PPME1: variants seen among roughly 807,000 people sequenced by gnomAD.
PPME1 encodes the protein testicular secretory protein Li 39.
Under a neutral mutation model 56.9 loss-of-function variants are expected in PPME1, and 17 were observed. The ratio of observed to expected loss-of-function variants is 0.30; its 90% confidence interval spans 0.20 to 0.45. PPME1 has a LOEUF of 0.45. Ranked by LOEUF, PPME1 falls within the 20% of genes least tolerant of loss-of-function variation. The probability of loss-of-function intolerance (pLI) is 1.00; values close to 1 mark genes in which losing one functional copy is unlikely to be tolerated. For missense variants in PPME1, 357 were observed against 483.2 expected (o/e 0.74, Z 2.45); for synonymous variants, 122 against 156.2 (o/e 0.78, Z 1.63).
chr11:74,246,054 G>T (rs1327063926), intron 9 of PPME1, 22 bp from the exon 10 acceptor site: 1 of 1,572,554 alleles, frequency 6.4e-7, no homozygotes, highest in South Asian at 1.2e-5. Context: ...CGGAGACTCA[G>T]AACTTGCTCT....
At chr11:74,213,697 C>T (rs1022461609) in intron 3 of PPME1, among the ~76,000 whole-genome samples, 17 of 152,206 alleles carry the variant, frequency 1.1e-4, no homozygotes, top group African/African-American at 4.1e-4. Context: ...TCTGGTAATC[C>T]AGAGAATTCT....
At chr11:74,190,604 G>C (rs1004447119) in intron 1 of PPME1, among the ~76,000 whole-genome samples, 2 of 152,170 alleles carry the variant, frequency 1.3e-5, no homozygotes, top group African/African-American at 4.8e-5. Context: ...GTGCAAGAAT[G>C]GACAACACAG....
In PPME1 at chr11:74,251,597, A is replaced by G. The variant is rs1859664780; in HGVS notation, c.1075-51A>G. The G allele has an allele frequency of 8.1e-6, 13 of 1,598,774 alleles. No homozygotes were observed. The East Asian group carries it at 2.7e-4, about 33-fold the overall frequency. On this transcript the variant is annotated intron_variant, in intron 12 of 13. Coordinates refer to ENST00000328257, the MANE Select transcript of PPME1 (RefSeq NM_016147.3). ...TAACAGTAGCTCACAGCCCAAGGCT[A>G]AGCCCCATCACTAACCTTTATATGG...
intron 4 of PPME1, chr11:74,222,874 A>G (rs1189455970): frequency 6.6e-6 from 1 of 151,864 alleles, no homozygotes; most frequent in Non-Finnish European, 1.5e-5. Context: ...TATGTATAAT[A>G]TTTATTTTTG....
At chr11:74,250,789 T>C (rs1471026539) in intron 11 of PPME1, 165 bp from the exon 12 acceptor site, 3 of 605,482 alleles carry the variant, frequency 5.0e-6, no homozygotes, top group Non-Finnish European at 8.9e-6. Flanking sequence ...AAGGTTACAA[T>C]TACTTGTATT....
chr11:74,185,461 G>A (rs773603685), intron 1 of PPME1, among the ~76,000 whole-genome samples: 1 of 152,128 alleles, frequency 6.6e-6, no homozygotes, highest in Non-Finnish European at 1.5e-5. Flanking sequence ...TGGCAGAATA[G>A]TAGCTTACAT....
In PPME1 at chr11:74,171,582, C is replaced by T. The variant is rs1213117273; in HGVS notation, c.101+60C>T. ...GGCCCCAGCCGTTGGAGAATGGTATCTCTGGGCGTTCATAGAGGCACGGGA... is the reference window on the plus strand; with the variant it reads ...GGCCCCAGCCGTTGGAGAATGGTATTTCTGGGCGTTCATAGAGGCACGGGA... On this transcript the variant is annotated intron_variant, in intron 1 of 13. Transcript: ENST00000328257. 4.6e-6 allele frequency: 7 copies of T among 1,523,156 alleles called. No individual in the cohort carries two copies. In the East Asian group the frequency reaches 1.7e-4, roughly 36 times the overall value. 94.4% of individuals were successfully genotyped at this position (1,523,156 alleles called of 1,614,324 possible). A position where few individuals can be genotyped will look rare whatever the true frequency, so the allele number is the denominator to read the frequency against.
chr11:74,197,041 T>G (rs1190232579), intron 1 of PPME1, among the ~76,000 whole-genome samples: 1 of 152,194 alleles, frequency 6.6e-6, no homozygotes, highest in Non-Finnish European at 1.5e-5. Flanking sequence ...CTGGTTCAAA[T>G]GCCTCTGACA....
chr11:74,172,892 T>C (rs901966561), intron 1 of PPME1, among the ~76,000 whole-genome samples: 3 of 151,966 alleles, frequency 2.0e-5, no homozygotes, highest in Non-Finnish European at 4.4e-5. Flanking sequence ...TAAAAACTTA[T>C]CAAAAAGGAG....
intron 3 of PPME1, among the ~76,000 whole-genome samples, chr11:74,216,118 C>T (rs530265683): frequency 9.2e-5 from 14 of 152,198 alleles, no homozygotes; most frequent in East Asian, 5.8e-4. Flanking sequence ...GAAAAATTTA[C>T]GTAATCTGCA....
At chr11:74,246,785 A>G (rs375180246) in intron 10 of PPME1, among the ~76,000 whole-genome samples, 2 of 152,304 alleles carry the variant, frequency 1.3e-5, no homozygotes, top group African/African-American at 4.8e-5. Flanking sequence ...TGGCCTGTCT[A>G]CTTGGTCAAG....
At chr11:74,192,578 C>T (rs1012640864) in intron 1 of PPME1, among the ~76,000 whole-genome samples, 34 of 152,046 alleles carry the variant, frequency 2.2e-4, no homozygotes, top group Non-Finnish European at 4.4e-4. Flanking sequence ...CTCCAAATCT[C>T]GTGTTGAAAT....
intron 1 of PPME1, among the ~76,000 whole-genome samples, chr11:74,178,881 G>A (rs1337876225): frequency 6.6e-6 from 1 of 151,644 alleles, no homozygotes; most frequent in African/African-American, 2.4e-5. Context: ...TAGTTGTTTG[G>A]GAAAGACTGT....
At chr11:74,200,549 A>G (rs749610185) in intron 1 of PPME1, among the ~76,000 whole-genome samples, 1 of 151,992 alleles carries the variant, frequency 6.6e-6, no homozygotes, top group Non-Finnish European at 1.5e-5. Flanking sequence ...TGCCTGGCTA[A>G]TTTTTGTATT....
intron 3 of PPME1, chr11:74,205,062 AT>A: frequency 6.6e-6 from 1 of 152,328 alleles, no homozygotes; most frequent in East Asian, 1.9e-4. Context: ...CTAACTCTTC[AT>A]TTTGTGTAGA....
chr11:74,184,751 T>C (rs1294916931), intron 1 of PPME1, among the ~76,000 whole-genome samples: 1 of 152,098 alleles, frequency 6.6e-6, no homozygotes, highest in East Asian at 1.9e-4. Flanking sequence ...TTTACCTATT[T>C]CCCCCCTGCA....
chr11:74,246,960 G>C, intron 10 of PPME1, 119 bp from the exon 11 acceptor site: 1 of 834,816 alleles, frequency 1.2e-6, no homozygotes, highest in Non-Finnish European at 2.0e-6. Flanking sequence ...TATGCTCTGG[G>C]AGTTAGGATT....
intron 9 of PPME1, among the ~76,000 whole-genome samples, chr11:74,243,196 C>T (rs1317494532): frequency 3.9e-5 from 6 of 152,048 alleles, no homozygotes; most frequent in Admixed American, 3.3e-4. Context: ...ATTTTCACAG[C>T]ATCTAATAGG....
chr11:74,225,873 G>A (rs1434701649), intron 5 of PPME1, among the ~76,000 whole-genome samples: 3 of 152,064 alleles, frequency 2.0e-5, no homozygotes, highest in Non-Finnish European at 4.4e-5. Flanking sequence ...GCTCTGTGTA[G>A]GAATCTGATG....
Sources: gnomAD v4.1 joint callset for allele counts (sites outside exome capture counted in the v4.1 genomes callset) on GRCh38, gnomAD v4.1.1 for gene constraint, MANE v1.5 for transcripts, NCBI Gene and HGNC (gene_info 2026-07-23, HGNC 2026-07-21) for gene names.